The following OR1F1 variants were observed in gnomAD, a reference collection of about 807,000 sequenced individuals.
OR1F1 encodes olfactory receptor family 1 subfamily F member 1.
For missense variants in OR1F1, 493 were observed against 376.3 expected (o/e 1.31, Z -2.57); for synonymous variants, 184 against 156.7 (o/e 1.17, Z -1.30).
chr16:3,191,459 T>A, the OR1F1 span: 1 of 152,266 alleles, frequency 6.6e-6, no homozygotes, highest in South Asian at 2.1e-4. Flanking sequence ...ACTATTCTCA[T>A]GCCACCCCGC....
At chr16:3,195,429 C>T in the OR1F1 span, among the ~76,000 whole-genome samples, 2 of 151,698 alleles carry the variant, frequency 1.3e-5, no homozygotes, top group Admixed American at 6.6e-5. Context: ...GGGCCCGGCG[C>T]GGTGGCTCAG....
chr16:3,205,435 C>T (rs930946321), downstream of OR1F1, among the ~76,000 whole-genome samples: 2 of 152,054 alleles, frequency 1.3e-5, no homozygotes, highest in African/African-American at 4.8e-5. Flanking sequence ...CCTGCCTCAG[C>T]CTCCTGAGTA....
the OR1F1 span, among the ~76,000 whole-genome samples, chr16:3,199,208 C>T: frequency 5.5e-5 from 8 of 144,244 alleles, no homozygotes; most frequent in African/African-American, 2.1e-4. Context: ...GAGGCTGAGA[C>T]AGGAGAATCA....
the OR1F1 span, among the ~76,000 whole-genome samples, chr16:3,188,882 C>T: frequency 6.6e-6 from 1 of 152,212 alleles, no homozygotes; most frequent in African/African-American, 2.4e-5. Flanking sequence ...CTGGAGGTCC[C>T]GCCAGCTCCC....
downstream of OR1F1, among the ~76,000 whole-genome samples, chr16:3,205,550 G>A (rs1400245058): frequency 1.3e-5 from 2 of 151,838 alleles, no homozygotes; most frequent in African/African-American, 2.4e-5. Context: ...CGGGAAGTCA[G>A]GGACCCTGAA....
the OR1F1 span, among the ~76,000 whole-genome samples, chr16:3,196,926 G>C: frequency 1.3e-5 from 2 of 151,896 alleles, no homozygotes; most frequent in Admixed American, 6.6e-5. Flanking sequence ...GACCAGGCTG[G>C]AGTGCAGTGG....
chr16:3,191,953 G>A, the OR1F1 span, among the ~76,000 whole-genome samples: 25 of 152,258 alleles, frequency 1.6e-4, no homozygotes, highest in Admixed American at 9.2e-4. Context: ...AGTACTCCAC[G>A]GCTGCCACAA....
the OR1F1 span, among the ~76,000 whole-genome samples, chr16:3,191,868 G>C: frequency 6.6e-6 from 1 of 152,144 alleles, no homozygotes; most frequent in African/African-American, 2.4e-5. Flanking sequence ...GGGCCGGGGC[G>C]CTGGCCCACC....
At chr16:3,199,979 G>A (rs1471620737), upstream of OR1F1, among the ~76,000 whole-genome samples, 1 of 151,260 alleles carries the variant, frequency 6.6e-6, no homozygotes, top group African/African-American at 2.4e-5. Context: ...TCATGCCACT[G>A]CACTGCACCC....
chr16:3,205,672 T>C (rs1354548263), downstream of OR1F1, among the ~76,000 whole-genome samples: 1 of 152,136 alleles, frequency 6.6e-6, no homozygotes, highest in Admixed American at 6.6e-5. Context: ...CTTACGCCTG[T>C]CTTTACTGCA....
exon 1 of OR1F1, chr16:3,205,070 C>T: frequency 3.1e-6 from 5 of 1,613,988 alleles, no homozygotes; most frequent in Non-Finnish European, 1.7e-6. Flanking sequence ...ACTATGGCTA[C>T]TGTGTTGTAT....
upstream of OR1F1, among the ~76,000 whole-genome samples, chr16:3,199,577 C>T (rs1271446601): frequency 1.3e-5 from 2 of 152,096 alleles, no homozygotes; most frequent in Non-Finnish European, 2.9e-5. Context: ...GCGGGCCTCC[C>T]ACCTTGGCCT....
the OR1F1 span, among the ~76,000 whole-genome samples, chr16:3,188,892 C>A: frequency 6.6e-6 from 1 of 152,202 alleles, no homozygotes; most frequent in South Asian, 2.1e-4. Context: ...CGCCAGCTCC[C>A]CCCAGTGAAG....
At chr16:3,199,104 T>A in the OR1F1 span, among the ~76,000 whole-genome samples, 4 of 100,262 alleles carry the variant, frequency 4.0e-5, no homozygotes, top group South Asian at 1.5e-3. Context: ...GAAGGCAAGA[T>A]CCTGTCTCTA....
the OR1F1 span, among the ~76,000 whole-genome samples, chr16:3,196,653 G>T: frequency 6.6e-6 from 1 of 151,238 alleles, no homozygotes; most frequent in Non-Finnish European, 1.5e-5. Flanking sequence ...CTCCCAAAGT[G>T]CTGGGATTAC....
At chr16:3,194,815 G>T in the OR1F1 span, among the ~76,000 whole-genome samples, 1 of 152,198 alleles carries the variant, frequency 6.6e-6, no homozygotes, top group Non-Finnish European at 1.5e-5. Context: ...AGTGATTTAG[G>T]TCTCGCTATG....
At chr16:3,199,333 T>C (rs1958109830), upstream of OR1F1, among the ~76,000 whole-genome samples, 1 of 150,964 alleles carries the variant, frequency 6.6e-6, no homozygotes, top group Non-Finnish European at 1.5e-5. Flanking sequence ...ATGATGAAAA[T>C]AAAAATATAT....
At chr16:3,198,889 T>G in the OR1F1 span, among the ~76,000 whole-genome samples, 2 of 150,560 alleles carry the variant, frequency 1.3e-5, no homozygotes, top group African/African-American at 4.9e-5. Flanking sequence ...CCCAGGAGCT[T>G]GAGGCTGCAG....
chr16:3,204,178 T>C, upstream of OR1F1: 1 of 1,234,312 alleles, frequency 8.1e-7, no homozygotes. Flanking sequence ...TGCCCCATCT[T>C]AACCAGCATT....
Sources: gnomAD v4.1 joint callset for allele counts (sites outside exome capture counted in the v4.1 genomes callset) on GRCh38, gnomAD v4.1.1 for gene constraint, MANE v1.5 for transcripts, NCBI Gene and HGNC (gene_info 2026-07-23, HGNC 2026-07-21) for gene names.